ZFAND6: variants seen among roughly 807,000 people sequenced by gnomAD.
ZFAND6 encodes the protein AN1-type zinc finger protein 6.
ZFAND6 carries 12 observed loss-of-function variants against 24.5 expected under a neutral mutation model. The observed-to-expected ratio is 0.49, with a 90% CI of 0.31 to 0.79. The LOEUF (loss-of-function observed/expected upper bound fraction) is 0.79, where lower values mean the gene tolerates loss of function less well. Ranked by LOEUF, ZFAND6 falls within the 30% of genes least tolerant of loss-of-function variation. The pLI is 0.04. For synonymous variants in ZFAND6, 92 were observed against 81.5 expected, an observed-to-expected ratio of 1.13 and a Z score of -0.69; for missense variants, 207 against 245.9, an observed-to-expected ratio of 0.84 and a Z score of 1.06.
At chr15:80,103,746 C>T (rs2039158744) in intron 2 of ZFAND6, among the ~76,000 whole-genome samples, 1 of 152,334 alleles carries the variant, frequency 6.6e-6, no homozygotes, top group South Asian at 2.1e-4. Flanking sequence ...CTACCCTTTT[C>T]CTCTGCCTCA....
At chr15:80,115,145 A>T (rs2039813905) in intron 2 of ZFAND6, 1 of 152,102 alleles carries the variant, frequency 6.6e-6, no homozygotes, top group Non-Finnish European at 1.5e-5. Flanking sequence ...CCAACATCAT[A>T]GTGTTCTTGA....
chr15:80,081,039 G>A (rs1475922755), intron 1 of ZFAND6, among the ~76,000 whole-genome samples: 1 of 152,174 alleles, frequency 6.6e-6, no homozygotes, highest in Non-Finnish European at 1.5e-5. Flanking sequence ...AACTTTATCA[G>A]TTGATAAGGG....
chr15:80,073,590 C>T (rs1409252785), intron 1 of ZFAND6, among the ~76,000 whole-genome samples: 1 of 151,830 alleles, frequency 6.6e-6, no homozygotes, highest in Non-Finnish European at 1.5e-5. Context: ...TAAATTAATG[C>T]TTTTCTGCTA....
chr15:80,066,229 A>G (rs2036622535), intron 1 of ZFAND6, among the ~76,000 whole-genome samples: 1 of 152,014 alleles, frequency 6.6e-6, no homozygotes, highest in Admixed American at 6.6e-5. Flanking sequence ...ATGATCTGAG[A>G]CTGTCTCTCT....
intron 1 of ZFAND6, among the ~76,000 whole-genome samples, chr15:80,090,356 G>A (rs2038281323): frequency 6.6e-6 from 1 of 152,170 alleles, no homozygotes; most frequent in African/African-American, 2.4e-5. Flanking sequence ...GACTCTCTGG[G>A]TTCAAATCCT....
chr15:80,105,768 T>G (rs1049203320), intron 2 of ZFAND6, among the ~76,000 whole-genome samples: 5 of 152,216 alleles, frequency 3.3e-5, no homozygotes, highest in Admixed American at 2.0e-4. Flanking sequence ...TTGCAGTGAT[T>G]TGTAGTTAAA....
chr15:80,112,240 A>G (rs1279884751), intron 2 of ZFAND6, among the ~76,000 whole-genome samples: 1 of 152,174 alleles, frequency 6.6e-6, no homozygotes, highest in African/African-American at 2.4e-5. Flanking sequence ...AGCCTGGGCA[A>G]CAAGAGCGAA....
chr15:80,086,734 T>C (rs2038029292), intron 1 of ZFAND6, among the ~76,000 whole-genome samples: 1 of 152,230 alleles, frequency 6.6e-6, no homozygotes, highest in African/African-American at 2.4e-5. Flanking sequence ...TACATTCACA[T>C]TGTTGTATAA....
At chr15:80,087,166 A>G (rs2038056196) in intron 1 of ZFAND6, among the ~76,000 whole-genome samples, 1 of 152,220 alleles carries the variant, frequency 6.6e-6, no homozygotes, top group Non-Finnish European at 1.5e-5. Flanking sequence ...CTTTGTGGGT[A>G]GAAACCTAGG....
chr15:80,069,102 A>G (rs2036828497), intron 1 of ZFAND6, among the ~76,000 whole-genome samples: 1 of 152,160 alleles, frequency 6.6e-6, no homozygotes, highest in Non-Finnish European at 1.5e-5. Flanking sequence ...TCTTTTATGT[A>G]ATATTTTATT....
At chr15:80,129,194 A>G (rs1371893752) in intron 5 of ZFAND6, among the ~76,000 whole-genome samples, 1 of 152,232 alleles carries the variant, frequency 6.6e-6, no homozygotes, top group Non-Finnish European at 1.5e-5. Context: ...TGGAGCTTAC[A>G]TTCTAGGGAT....
chr15:80,112,367 A>G (rs936893154), intron 2 of ZFAND6, among the ~76,000 whole-genome samples: 1 of 152,202 alleles, frequency 6.6e-6, no homozygotes. Context: ...TTTTGTATCA[A>G]GTCATACTTT....
rs1308711160 is a variant in ZFAND6, at chr15:80,137,655, A to C, written c.*27A>C. 1.9e-6 allele frequency: 3 copies of C among 1,548,336 alleles called. No homozygotes were observed. Among genetic ancestry groups the C allele is most frequent in the East Asian group, 4.6e-5 (2 of 43,350 alleles). ...CTCCTGCTGGAATACAAAATTCTTG[A>C]GCATCTGCAAACTAAAAATTGACTT... On this transcript the variant is annotated 3_prime_UTR_variant, in exon 7 of 7. Transcript: ENST00000261749.
chr15:80,082,461 C>G (rs1373378682), intron 1 of ZFAND6, among the ~76,000 whole-genome samples: 1 of 152,132 alleles, frequency 6.6e-6, no homozygotes, highest in African/African-American at 2.4e-5. Context: ...AAGGCTGATA[C>G]CAGAGCATGA....
chr15:80,077,790 C>A (rs2037380428), intron 1 of ZFAND6, among the ~76,000 whole-genome samples: 1 of 150,144 alleles, frequency 6.7e-6, no homozygotes, highest in East Asian at 2.0e-4. Flanking sequence ...ACCTCCACCT[C>A]CCTGGTTCAA....
intron 2 of ZFAND6, among the ~76,000 whole-genome samples, chr15:80,099,618 C>T (rs866574884): frequency 9.2e-5 from 10 of 109,180 alleles, no homozygotes; most frequent in South Asian, 3.1e-4. Context: ...TATGGATATC[C>T]TTTTTTTTTT....
chr15:80,109,171 G>A (rs2141975136), intron 2 of ZFAND6, among the ~76,000 whole-genome samples: 1 of 152,262 alleles, frequency 6.6e-6, no homozygotes, highest in East Asian at 1.9e-4. Flanking sequence ...TTGGCTACTA[G>A]TGGTGGTGTG....
At chr15:80,068,759 ATT>A (rs2036807001) in intron 1 of ZFAND6, among the ~76,000 whole-genome samples, 1 of 152,188 alleles carries the variant, frequency 6.6e-6, no homozygotes, top group South Asian at 2.1e-4. Context: ...TGCCCAGCCA[ATT>A]TTTAAATTTC....
chr15:80,092,411 G>A (rs1323322313), intron 1 of ZFAND6, among the ~76,000 whole-genome samples: 2 of 151,698 alleles, frequency 1.3e-5, no homozygotes, highest in East Asian at 1.9e-4. Context: ...ACTCTAGTCC[G>A]GGCGACAGAG....
Sources: allele counts gnomAD v4.1 joint callset (sites outside exome capture counted in the v4.1 genomes callset), GRCh38; gene constraint gnomAD v4.1.1; transcripts MANE v1.5; gene names NCBI Gene and HGNC (gene_info 2026-07-23, HGNC 2026-07-21).